The following DPP10 variants were observed in gnomAD, a reference collection of about 807,000 sequenced individuals.
The protein encoded by DPP10 is inactive dipeptidyl peptidase 10.
A neutral mutation model predicts 120.9 loss-of-function variants in DPP10; 33 were observed. The ratio of observed to expected loss-of-function variants is 0.27; its 90% confidence interval spans 0.21 to 0.37. DPP10 has a LOEUF of 0.37. Among genes scored for constraint, DPP10 ranks in the 10% least tolerant of loss-of-function variants. The probability of loss-of-function intolerance (pLI) is 1.00; values close to 1 mark genes in which losing one functional copy is unlikely to be tolerated. For synonymous variants in DPP10, 337 were observed against 326.1 expected (o/e 1.03, Z -0.36); for missense variants, 816 against 942.8 (o/e 0.87, Z 1.76).
chr2:114,789,872 C>T (rs1683095755), intron 1 of DPP10, among the ~76,000 whole-genome samples: 1 of 152,182 alleles, frequency 6.6e-6, no homozygotes, highest in African/African-American at 2.4e-5. Flanking sequence ...ATTAGTTTGT[C>T]TTTGATCCAT....
At chr2:115,441,817 C>CTTTTTTTTTTTT (rs561102084) in intron 3 of DPP10, among the ~76,000 whole-genome samples, 1 of 124,480 alleles carries the variant, frequency 8.0e-6, no homozygotes, top group Non-Finnish European at 1.7e-5. Context: ...TTCTTTCTTT[C>CTTTTTTTTTTTT]TTTTTTTTTT....
intron 7 of DPP10, among the ~76,000 whole-genome samples, chr2:115,713,601 T>A (rs1294007819): frequency 6.6e-6 from 1 of 152,156 alleles, no homozygotes; most frequent in Non-Finnish European, 1.5e-5. Flanking sequence ...AGCTCCTTGT[T>A]CTAGAATAAA....
chr2:115,404,835 T>A (rs2068391172), intron 3 of DPP10, among the ~76,000 whole-genome samples: 1 of 152,174 alleles, frequency 6.6e-6, no homozygotes, highest in African/African-American at 2.4e-5. Flanking sequence ...CAAGAATTAT[T>A]CCATTCCTAA....
chr2:115,466,410 A>G (rs949380482), intron 3 of DPP10, among the ~76,000 whole-genome samples: 1 of 152,210 alleles, frequency 6.6e-6, no homozygotes, highest in African/African-American at 2.4e-5. Flanking sequence ...GGAAAGTCCT[A>G]CAAATATTAT....
chr2:114,945,764 C>T (rs1043065708), intron 1 of DPP10, among the ~76,000 whole-genome samples: 2 of 151,870 alleles, frequency 1.3e-5, no homozygotes, highest in South Asian at 2.1e-4. Context: ...TACAGTGAGC[C>T]GAGATCCCAC....
intron 1 of DPP10, among the ~76,000 whole-genome samples, chr2:114,510,840 A>G (rs1334776111): frequency 6.6e-6 from 1 of 152,260 alleles, no homozygotes; most frequent in Non-Finnish European, 1.5e-5. Context: ...CCTGGCCTAC[A>G]GTGAAGTGAC....
At chr2:115,027,719 T>C (rs1703563433) in intron 1 of DPP10, among the ~76,000 whole-genome samples, 1 of 152,126 alleles carries the variant, frequency 6.6e-6, no homozygotes, top group Non-Finnish European at 1.5e-5. Context: ...CTGTGTTTAA[T>C]GTTCGGTAGA....
rs1680657860 is a variant in DPP10, at chr2:114,765,796, A to G, written c.60+322958A>G. Among the ~76,000 whole-genome samples, 3 of 152,200 alleles carry G rather than the reference A, an allele frequency of 2.0e-5. No homozygotes were observed. The South Asian group carries it at 6.2e-4, about 31-fold the overall frequency. On this transcript the variant is annotated intron_variant, in intron 1 of 25. Coordinates refer to ENST00000410059, the MANE Select transcript of DPP10 (RefSeq NM_020868.6). ...GGGAACTTCATTGAAAATATTGGAA[A>G]TGAAACTGAGACTCTTACATTTGAT...
chr2:114,845,527 G>GC (rs1160324965), intron 1 of DPP10, among the ~76,000 whole-genome samples: 2 of 152,014 alleles, frequency 1.3e-5, no homozygotes, highest in Admixed American at 1.3e-4. Flanking sequence ...TCATTTTAAG[G>GC]CAGACAGGGC....
intron 1 of DPP10, among the ~76,000 whole-genome samples, chr2:114,595,495 T>C (rs1243031584): frequency 6.6e-6 from 1 of 152,142 alleles, no homozygotes; most frequent in African/African-American, 2.4e-5. Context: ...CAAGACACTT[T>C]CTGCACCTCA....
intron 21 of DPP10, among the ~76,000 whole-genome samples, chr2:115,835,406 C>T (rs1689376392): frequency 1.3e-5 from 2 of 152,066 alleles, no homozygotes; most frequent in Admixed American, 6.6e-5. Context: ...ATTGAGTCTT[C>T]GGTTATGTAG....
chr2:114,810,401 C>T (rs1163747371), intron 1 of DPP10, among the ~76,000 whole-genome samples: 1 of 152,084 alleles, frequency 6.6e-6, no homozygotes, highest in African/African-American at 2.4e-5. Context: ...TTCCAAGTGC[C>T]ATCATGGGTT....
chr2:114,742,125 AC>A (rs1678125261), intron 1 of DPP10, among the ~76,000 whole-genome samples: 1 of 152,240 alleles, frequency 6.6e-6, no homozygotes, highest in Non-Finnish European at 1.5e-5. Context: ...CAATACTTAC[AC>A]AAAAAGTCAA....
intron 1 of DPP10, among the ~76,000 whole-genome samples, chr2:114,725,614 C>T (rs954993522): frequency 1.3e-5 from 2 of 152,200 alleles, no homozygotes; most frequent in Admixed American, 1.3e-4. Flanking sequence ...CTGATTTTTA[C>T]TGAGCATTAC....
chr2:115,361,347 C>T (rs1031749013), intron 3 of DPP10, among the ~76,000 whole-genome samples: 7 of 151,980 alleles, frequency 4.6e-5, no homozygotes, highest in African/African-American at 1.7e-4. Context: ...ACCTGTTCTG[C>T]GGGAGGGCAA....
At chr2:114,961,474 C>A (rs115791122) in intron 1 of DPP10, among the ~76,000 whole-genome samples, 1 of 150,762 alleles carries the variant, frequency 6.6e-6, no homozygotes, top group Admixed American at 6.6e-5. Context: ...TGTGTGTGCG[C>A]GCGCACATTT....
Position 114,591,650 on chromosome 2 carries a change from G to T in DPP10, c.60+148812G>T, listed in dbSNP as rs182557647. Among the ~76,000 whole-genome samples, 631 of 150,128 alleles carry T rather than the reference G, an allele frequency of 4.2e-3. 4 individuals are homozygous for T. Among genetic ancestry groups the T allele is most frequent in the Middle Eastern group, 0.01 (3 of 286 alleles). ...GCTCACTGCAACCTCTGCCTTCCTG[G>T]TTCAAGTGATTCTCCTGCCTTAGCC... On this transcript the variant is annotated intron_variant, in intron 1 of 25. Transcript: ENST00000410059.
intron 21 of DPP10, among the ~76,000 whole-genome samples, chr2:115,819,523 CT>C (rs778117688): frequency 1.3e-5 from 2 of 152,040 alleles, no homozygotes; most frequent in African/African-American, 2.4e-5. Context: ...CTCCATCCCT[CT>C]TTTTTTTGTT....
chr2:115,037,467 T>C (rs1704304909), intron 1 of DPP10, among the ~76,000 whole-genome samples: 1 of 152,190 alleles, frequency 6.6e-6, no homozygotes, highest in South Asian at 2.1e-4. Context: ...TTGCAGCCAT[T>C]AAGTTCCAGG....
Sources: allele counts gnomAD v4.1 joint callset (sites outside exome capture counted in the v4.1 genomes callset), GRCh38; gene constraint gnomAD v4.1.1; transcripts MANE v1.5; gene names NCBI Gene and HGNC (gene_info 2026-07-23, HGNC 2026-07-21).